The following SGMS1 variants were observed in gnomAD, a reference collection of about 807,000 sequenced individuals.
SGMS1 encodes the protein phosphatidylcholine:ceramide cholinephosphotransferase 1.
SGMS1 carries 13 observed loss-of-function variants against 46.2 expected under a neutral mutation model. The ratio of observed to expected loss-of-function variants is 0.28; its 90% CI spans 0.18 to 0.45. The LOEUF is 0.45. Ranked by LOEUF, SGMS1 falls within the 20% of genes least tolerant of loss-of-function variation. SGMS1 has a pLI of 1.00. For missense variants in SGMS1, 324 were observed against 519.9 expected, an observed-to-expected ratio of 0.62 and a Z score of 3.66; for synonymous variants, 203 against 187.8, an observed-to-expected ratio of 1.08 and a Z score of -0.66.
chr10:50,574,668 A>G (rs1017385269), intron 2 of SGMS1, among the ~76,000 whole-genome samples: 2 of 152,186 alleles, frequency 1.3e-5, no homozygotes. Context: ...CAGGATCTTG[A>G]GGAGATACCT....
At chr10:50,369,368 C>T (rs1479323366) in intron 6 of SGMS1, among the ~76,000 whole-genome samples, 2 of 152,070 alleles carry the variant, frequency 1.3e-5, no homozygotes, top group Non-Finnish European at 2.9e-5. Flanking sequence ...TGTGATGGCA[C>T]ATGCTTATGG....
intron 6 of SGMS1, among the ~76,000 whole-genome samples, chr10:50,405,850 T>C (rs1025790472): frequency 2.0e-5 from 3 of 152,222 alleles, no homozygotes; most frequent in Non-Finnish European, 4.4e-5. Flanking sequence ...CTCATTAATA[T>C]TCATGTATTT....
chr10:50,349,050 C>T (rs138495963), intron 6 of SGMS1, among the ~76,000 whole-genome samples: 186 of 152,332 alleles, frequency 1.2e-3, no homozygotes, highest in African/African-American at 4.2e-3. Context: ...ATCCATCTGG[C>T]ATTACAAGCA....
intron 7 of SGMS1, chr10:50,335,663 A>G (rs1847704367): frequency 6.6e-6 from 1 of 152,240 alleles, no homozygotes; most frequent in African/African-American, 2.4e-5. Context: ...ATGAGTAATT[A>G]GACATCCATG....
Position 50,501,117 on chromosome 10 carries a change from T to G in SGMS1, c.-498+18714A>C, listed in dbSNP as rs1446255553. On this transcript the variant is annotated intron_variant, in intron 3 of 10. Transcript: ENST00000361781. Reference sequence around the variant, plus strand: ...CCTTCCCTCTCATCCCATGTCATCCTCTCCTGCAATTTATGCTCTGGCAAT... The same window carrying G: ...CCTTCCCTCTCATCCCATGTCATCCGCTCCTGCAATTTATGCTCTGGCAAT... Among the ~76,000 whole-genome samples, 4 of 152,236 alleles carry G rather than the reference T, an allele frequency of 2.6e-5. No individual in the cohort carries two copies. In the East Asian group the frequency reaches 7.7e-4, roughly 29 times the overall value.
chr10:50,363,922 A>C (rs1237126893), intron 6 of SGMS1, among the ~76,000 whole-genome samples: 1 of 152,128 alleles, frequency 6.6e-6, no homozygotes, highest in African/African-American at 2.4e-5. Flanking sequence ...ATAAAAAACA[A>C]ACAAACTAAA....
chr10:50,395,959 A>C (rs1366787302), intron 6 of SGMS1, among the ~76,000 whole-genome samples: 2 of 152,214 alleles, frequency 1.3e-5, no homozygotes, highest in Non-Finnish European at 2.9e-5. Flanking sequence ...TAAAATGTTT[A>C]TGGTGGGTAT....
chr10:50,599,869 T>A (rs56029434), intron 1 of SGMS1, among the ~76,000 whole-genome samples: 20,590 of 151,848 alleles, frequency 0.14, 1,764 homozygotes, highest in Non-Finnish European at 0.2. Context: ...TCAGAAAAAA[T>A]TTTAAAAAAG....
intron 1 of SGMS1, among the ~76,000 whole-genome samples, chr10:50,616,269 C>T (rs1194317462): frequency 1.3e-5 from 2 of 152,052 alleles, no homozygotes; most frequent in African/African-American, 4.8e-5. Flanking sequence ...TACAGGTGCA[C>T]ACCACCACAA....
intron 5 of SGMS1, among the ~76,000 whole-genome samples, chr10:50,448,207 G>A (rs1412984772): frequency 6.6e-6 from 1 of 151,958 alleles, no homozygotes; most frequent in East Asian, 1.9e-4. Context: ...AGCTGTGATG[G>A]CTCCACTGCA....
chr10:50,512,197 G>A (rs1398762078), intron 3 of SGMS1, among the ~76,000 whole-genome samples: 1 of 152,166 alleles, frequency 6.6e-6, no homozygotes, highest in Non-Finnish European at 1.5e-5. Context: ...TTGGGCACCT[G>A]AGAGAGGGCA....
At chr10:50,503,540 G>A (rs1403330731) in intron 3 of SGMS1, among the ~76,000 whole-genome samples, 1 of 152,092 alleles carries the variant, frequency 6.6e-6, no homozygotes, top group African/African-American at 2.4e-5. Context: ...CCCTTTGACT[G>A]TAATTTTCCT....
intron 6 of SGMS1, among the ~76,000 whole-genome samples, chr10:50,386,739 A>G (rs2133493364): frequency 6.6e-6 from 1 of 152,288 alleles, no homozygotes; most frequent in East Asian, 1.9e-4. Context: ...AAGAGTCCCA[A>G]GTTCTCTTCT....
intron 2 of SGMS1, among the ~76,000 whole-genome samples, chr10:50,555,403 C>A (rs144318077): frequency 1.3e-5 from 2 of 152,142 alleles, no homozygotes; most frequent in African/African-American, 4.8e-5. Context: ...TGCTTTGAGG[C>A]CTTAAAGAAA....
At chr10:50,598,805 T>G (rs1838620984) in intron 1 of SGMS1, among the ~76,000 whole-genome samples, 1 of 152,200 alleles carries the variant, frequency 6.6e-6, no homozygotes. Context: ...ATGAAGCATG[T>G]GATCTTGAAG....
chr10:50,385,239 C>T (rs1848665982), intron 6 of SGMS1, among the ~76,000 whole-genome samples: 1 of 152,170 alleles, frequency 6.6e-6, no homozygotes. Flanking sequence ...TAACTTTGAT[C>T]CATTGTTTAA....
chr10:50,307,655 G>T lies in SGMS1; in HGVS notation c.1062+327C>A, dbSNP rs2133266802. Among the ~76,000 whole-genome samples, 1 of 152,256 alleles carries T rather than the reference G, an allele frequency of 6.6e-6. No individual in the cohort carries two copies. Among genetic ancestry groups the T allele is most frequent in the East Asian group, 1.9e-4 (1 of 5,184 alleles). ...TAATTAAATGTTAAATATTAAGCTT[G>T]TGATGTGCCCCGGGTAGGGAGAAGA... On this transcript the variant is annotated intron_variant, in intron 10 of 10. Transcript: ENST00000361781. The surrounding 1 kb of genome is among the most constrained non-coding windows in gnomAD (Gnocchi z 4.2).
chr10:50,562,347 T>G (rs188232154), intron 2 of SGMS1, among the ~76,000 whole-genome samples: 1 of 64,766 alleles, frequency 1.5e-5, no homozygotes, highest in Admixed American at 1.7e-4. Context: ...AGTGTGTGTG[T>G]GTGTGTGTGC....
chr10:50,526,537 C>T (rs773794956), intron 2 of SGMS1, among the ~76,000 whole-genome samples: 29 of 152,204 alleles, frequency 1.9e-4, no homozygotes, highest in Non-Finnish European at 3.5e-4. Flanking sequence ...ATTAAACTTA[C>T]ACTTACAAAA....
Sources: gnomAD v4.1 joint callset for allele counts (sites outside exome capture counted in the v4.1 genomes callset) on GRCh38, gnomAD v4.1.1 for gene constraint, Gnocchi (gnomAD v3.1) non-coding constraint, MANE v1.5 for transcripts, NCBI Gene and HGNC (gene_info 2026-07-23, HGNC 2026-07-21) for gene names.